Variants in MMP26 observed in about 807,000 individuals in gnomAD.
The protein encoded by MMP26 is matrix metallopeptidase 26, also known as matrix metalloproteinase-26.
MMP26 carries 33 observed loss-of-function variants against 31.0 expected under a neutral mutation model. That is an observed-to-expected ratio of 1.06 (90% confidence interval 0.81 to 1.42). The LOEUF (loss-of-function observed/expected upper bound fraction) is 1.42, where lower values mean the gene tolerates loss of function less well. MMP26 is among the 40% of genes most tolerant of loss of function. MMP26 has a pLI of 0.00. For synonymous variants in MMP26, 122 were observed against 114.9 expected (o/e 1.06, Z -0.40); for missense variants, 347 against 316.1 (o/e 1.10, Z -0.74).
intron 1 of MMP26, among the ~76,000 whole-genome samples, chr11:4,713,613 T>G (rs973989214): frequency 3.3e-5 from 5 of 152,088 alleles, no homozygotes; most frequent in African/African-American, 1.2e-4. Flanking sequence ...CAGTACAAAG[T>G]CCTAGAATAT....
At chr11:4,738,973 T>C (rs1384716854) in intron 1 of MMP26, among the ~76,000 whole-genome samples, 1 of 152,216 alleles carries the variant, frequency 6.6e-6, no homozygotes, top group Non-Finnish European at 1.5e-5. Flanking sequence ...TTTTTTCTAG[T>C]CTAGGTTTAC....
chr11:4,800,006 G>A (rs1292861329), intron 2 of MMP26, among the ~76,000 whole-genome samples: 3 of 152,178 alleles, frequency 2.0e-5, no homozygotes, highest in African/African-American at 7.2e-5. Context: ...CTCATGGACT[G>A]GAGTTGAGTA....
chr11:4,927,681 C>A (rs1851291428), intron 2 of MMP26, among the ~76,000 whole-genome samples: 1 of 152,046 alleles, frequency 6.6e-6, no homozygotes, highest in South Asian at 2.1e-4. Flanking sequence ...TACTTCCATC[C>A]AGAGCTCAGG....
At chr11:4,909,016 G>T (rs1004683153) in intron 2 of MMP26, 11 of 152,098 alleles carry the variant, frequency 7.2e-5, no homozygotes, top group Admixed American at 6.6e-5. Flanking sequence ...TTATTTTTCT[G>T]TTATAAAACC....
At chr11:4,933,674 T>G (rs1851386819) in intron 2 of MMP26, among the ~76,000 whole-genome samples, 2 of 151,370 alleles carry the variant, frequency 1.3e-5, no homozygotes, top group African/African-American at 4.9e-5. Context: ...CTGCACCCAC[T>G]AACTCGTCAT....
chr11:4,912,930 A>C (rs541924522), intron 2 of MMP26: 1 of 150,736 alleles, frequency 6.6e-6, no homozygotes, highest in Non-Finnish European at 1.5e-5. Flanking sequence ...TGTTAAACAT[A>C]CTCTTTCAAA....
At chr11:4,724,033 C>G in intron 1 of MMP26, 2 of 676,182 alleles carry the variant, frequency 3.0e-6, no homozygotes, top group Non-Finnish European at 5.3e-6. Context: ...CAGGCTACCC[C>G]GGAAGCTGCT....
intron 2 of MMP26, among the ~76,000 whole-genome samples, chr11:4,969,654 T>G (rs1012784167): frequency 6.6e-6 from 1 of 152,116 alleles, no homozygotes; most frequent in Non-Finnish European, 1.5e-5. Flanking sequence ...AAACAATTAA[T>G]TTTAACTGCA....
intron 2 of MMP26, among the ~76,000 whole-genome samples, chr11:4,843,456 G>T (rs1324850881): frequency 1.3e-5 from 2 of 152,240 alleles, no homozygotes; most frequent in Admixed American, 6.5e-5. Context: ...CATGGAAGCT[G>T]CTATGGCTTG....
intron 2 of MMP26, among the ~76,000 whole-genome samples, chr11:4,922,898 T>G (rs1851204788): frequency 6.6e-6 from 1 of 152,196 alleles, no homozygotes; most frequent in Non-Finnish European, 1.5e-5. Flanking sequence ...GGTGTGGATA[T>G]AGATATGTAC....
intron 2 of MMP26, among the ~76,000 whole-genome samples, chr11:4,791,809 C>CT (rs1849032136): frequency 6.6e-6 from 1 of 152,010 alleles, no homozygotes; most frequent in South Asian, 2.1e-4. Context: ...TTCCAGATTT[C>CT]TTTTTTCTCA....
At chr11:4,907,091 C>T (rs1420558098) in intron 2 of MMP26, among the ~76,000 whole-genome samples, 4 of 10,826 alleles carry the variant, frequency 3.7e-4, no homozygotes, top group Non-Finnish European at 9.1e-4. Context: ...AGCAAAACTC[C>T]CTCTAAAAAA....
rs775578810 is a variant in MMP26 at position 4,991,979 on chromosome 11, T to C, written c.611T>C (p.Leu204Pro). ...SASDTGYNLF[L>P]VATHEIGHSL... The stretch of plus-strand genomic sequence containing the variant: ...AATTTTTCAGGATATAATCTGTTCC[T>C]GGTTGCAACTCATGAGATTGGGCAT... Residue 204 changes from leucine (L) to proline (P), a missense_variant, in exon 7 of 8, where the codon CTG becomes CCG. By Grantham distance (98) the Leu-to-Pro change is moderately conservative. Coordinates refer to ENST00000380390, the MANE Select transcript of MMP26 (RefSeq NM_021801.5). 3 of 1,604,484 alleles carry C rather than the reference T, an allele frequency of 1.9e-6. No individual in the cohort carries two copies. The highest frequency in any genetic ancestry group is 2.5e-6 in the Non-Finnish European group (3 of 1,177,544).
At chr11:4,801,307 T>A (rs1353216629) in intron 2 of MMP26, among the ~76,000 whole-genome samples, 3 of 152,070 alleles carry the variant, frequency 2.0e-5, no homozygotes, top group South Asian at 2.1e-4. Context: ...GATAAAAAAA[T>A]ATCTGAGGCT....
At chr11:4,710,855 C>T in intron 1 of MMP26, 1 of 163,710 alleles carries the variant, frequency 6.1e-6, no homozygotes, top group Non-Finnish European at 1.4e-5. Context: ...TCTCATGTAA[C>T]GTAGATCAGT....
intron 2 of MMP26, among the ~76,000 whole-genome samples, chr11:4,938,730 A>T (rs1846165474): frequency 1.3e-5 from 2 of 152,184 alleles, no homozygotes; most frequent in Non-Finnish European, 2.9e-5. Flanking sequence ...CTGGATTAGG[A>T]GGGAAATTCA....
At chr11:4,796,525 C>T (rs1020307858) in intron 2 of MMP26, among the ~76,000 whole-genome samples, 3 of 152,202 alleles carry the variant, frequency 2.0e-5, no homozygotes, top group Non-Finnish European at 4.4e-5. Context: ...TGTTTCAGGA[C>T]ATTGATCAAT....
At chr11:4,792,647 G>A (rs1849044829) in intron 2 of MMP26, among the ~76,000 whole-genome samples, 1 of 152,228 alleles carries the variant, frequency 6.6e-6, no homozygotes, top group Non-Finnish European at 1.5e-5. Context: ...TAGAAAACAC[G>A]AAAATCCGAT....
At chr11:4,864,383 T>A (rs1850206870) in intron 2 of MMP26, among the ~76,000 whole-genome samples, 4 of 152,156 alleles carry the variant, frequency 2.6e-5, no homozygotes, top group Non-Finnish European at 5.9e-5. Flanking sequence ...TTCTATCACA[T>A]ATTTATGCCC....
Sources: allele counts gnomAD v4.1 joint callset (sites outside exome capture counted in the v4.1 genomes callset), GRCh38; gene constraint gnomAD v4.1.1; transcripts MANE v1.5; gene names NCBI Gene and HGNC (gene_info 2026-07-23, HGNC 2026-07-21).